The following ADAP1 variants were observed in gnomAD, a reference collection of about 807,000 sequenced individuals.
ADAP1 encodes the protein ArfGAP with dual PH domains 1, also known as arf-GAP with dual PH domain-containing protein 1.
A neutral mutation model predicts 54.9 loss-of-function variants in ADAP1; 31 were observed. That is an observed-to-expected ratio of 0.56 (90% CI 0.42 to 0.76). The LOEUF is 0.76. ADAP1 is among the 30% of genes least tolerant of loss of function. ADAP1 has a pLI of 0.00. For synonymous variants in ADAP1, 313 were observed against 202.6 expected, an observed-to-expected ratio of 1.55 and a Z score of -4.63; for missense variants, 535 against 512.4, an observed-to-expected ratio of 1.04 and a Z score of -0.42.
rs751505076 is a variant in ADAP1, at chr7:899,114, C to T, written c.1015G>A (p.Glu339Lys). The change falls in exon 10 of 11, where the codon GAG becomes AAG. Residue 339 changes from glutamate (E) to lysine (K), a missense_variant. Transcript: ENST00000265846. ...TPDRKFLFACETESDQREWVA... is the reference protein window; with the variant it reads ...TPDRKFLFACKTESDQREWVA... ...CACTCCCTCTGGTCGGACTCCGTCTCGCAGGCAAACAGAAACTTGCGGTCG... is the reference window on the plus strand; with the variant it reads ...CACTCCCTCTGGTCGGACTCCGTCTTGCAGGCAAACAGAAACTTGCGGTCG... 2.5e-5 allele frequency: 41 copies of T among 1,608,832 alleles called. No individual in the cohort carries two copies. Among genetic ancestry groups the T allele is most frequent in the Non-Finnish European group, 3.2e-5 (38 of 1,179,934 alleles).
At chr7:922,612 T>C (rs1226680736) in intron 3 of ADAP1, among the ~76,000 whole-genome samples, 1 of 151,612 alleles carries the variant, frequency 6.6e-6, no homozygotes, top group Non-Finnish European at 1.5e-5. Flanking sequence ...GAGTGTGCCT[T>C]CTGCCCGAGT....
At chr7:915,552 C>T (rs574994427) in intron 4 of ADAP1, among the ~76,000 whole-genome samples, 5 of 152,366 alleles carry the variant, frequency 3.3e-5, no homozygotes, top group African/African-American at 1.2e-4. Flanking sequence ...TCTGCCCCGA[C>T]TCTACCCTGC....
chr7:954,699 G>A, upstream of ADAP1: 1 of 981,524 alleles, frequency 1.0e-6, no homozygotes, highest in Non-Finnish European at 1.2e-6. Context: ...GGGGCCCGGG[G>A]CGCACGCTGC....
intron 1 of ADAP1, among the ~76,000 whole-genome samples, chr7:941,799 A>G (rs1021359123): frequency 6.6e-6 from 1 of 152,250 alleles, no homozygotes; most frequent in African/African-American, 2.4e-5. Flanking sequence ...GCTGATTCTA[A>G]AATTCATATG....
At chr7:924,054 C>A in intron 3 of ADAP1, among the ~76,000 whole-genome samples, 1 of 143,032 alleles carries the variant, frequency 7.0e-6, no homozygotes, top group Non-Finnish European at 1.5e-5. Context: ...CTGCACCCCC[C>A]GCCCTCCGGG....
chr7:907,778 T>C (rs1845534839), intron 4 of ADAP1, among the ~76,000 whole-genome samples: 3 of 152,162 alleles, frequency 2.0e-5, no homozygotes, highest in South Asian at 2.1e-4. Flanking sequence ...GGTCCCGCCG[T>C]TGGCAGCAGC....
intron 6 of ADAP1, among the ~76,000 whole-genome samples, chr7:901,749 C>T (rs1163665145): frequency 6.6e-6 from 1 of 151,318 alleles, no homozygotes; most frequent in Non-Finnish European, 1.5e-5. Context: ...CCCGAGGCCC[C>T]GCCTCCCCTC....
chr7:903,586 A>G (rs1844929402), intron 6 of ADAP1, among the ~76,000 whole-genome samples: 1 of 152,140 alleles, frequency 6.6e-6, no homozygotes, highest in Non-Finnish European at 1.5e-5. Flanking sequence ...CCTGGCCCAA[A>G]GACAAAAGGA....
chr7:935,462 C>G lies in ADAP1; in HGVS notation c.126G>C (p.Leu42=). Reference sequence around the variant, plus strand: ...TATTCCGGTGGATTCCCGAGCAGCTCAGGCAGATGAAGACGCCCAGAGTGT... The same window carrying G: ...TATTCCGGTGGATTCCCGAGCAGCTGAGGCAGATGAAGACGCCCAGAGTGT... ...ASYTLGVFIC[L]SCSGIHRNIP... Residue 42 remains leucine (L), a synonymous_variant, in exon 2 of 11, where the codon CTG becomes CTC. Transcript: ENST00000265846. The G allele has an allele frequency of 6.4e-7, 1 of 1,563,168 alleles. No homozygotes were observed. Among genetic ancestry groups the G allele is most frequent in the South Asian group, 1.2e-5 (1 of 84,782 alleles).
At chr7:912,389 CG>C (rs1389457490) in intron 4 of ADAP1, among the ~76,000 whole-genome samples, 2 of 152,100 alleles carry the variant, frequency 1.3e-5, no homozygotes, top group African/African-American at 4.8e-5. Flanking sequence ...CAGGGGCAGG[CG>C]GGGGGCAAGT....
chr7:908,728 G>A (rs1011851529), intron 4 of ADAP1, among the ~76,000 whole-genome samples: 1 of 152,348 alleles, frequency 6.6e-6, no homozygotes, highest in African/African-American at 2.4e-5. Flanking sequence ...GCCGAGAAGT[G>A]CCCGGGGAGG....
chr7:935,356 C>T lies in ADAP1; in HGVS notation c.213+19G>A, dbSNP rs921158729. 7.7e-6 allele frequency: 12 copies of T among 1,550,736 alleles called. No individual in the cohort carries two copies. Among genetic ancestry groups the T allele is most frequent in the Admixed American group, 1.9e-5 (1 of 51,456 alleles). ...CACCCGGGGACTGCGCGGGTCCCCC[C>T]GCCCCTCCCCCTCCGTACCTCCACT... is the stretch of plus-strand genomic sequence containing the variant. On this transcript the variant is annotated intron_variant, in intron 2 of 10. Coordinates refer to ENST00000265846, the MANE Select transcript of ADAP1 (RefSeq NM_006869.4).
Position 898,802 on chromosome 7 carries a change from G to A in ADAP1, c.*119C>T, listed in dbSNP as rs1583109742. On this transcript the variant is annotated 3_prime_UTR_variant, in exon 11 of 11. Coordinates refer to ENST00000265846, the MANE Select transcript of ADAP1 (RefSeq NM_006869.4). The stretch of plus-strand genomic sequence containing the variant: ...GCTCGGGCCCTACCTGGCCGCGCCG[G>A]GCTGCCCTGAGGAGCAGGTGGGGCC... 7.1e-7 allele frequency: 1 copy of A among 1,414,374 alleles called. No individual in the cohort carries two copies. The highest frequency in any genetic ancestry group is 9.6e-7 in the Non-Finnish European group (1 of 1,036,454). The allele number at this position is 1,414,374 out of a possible 1,614,324, so 87.6% of individuals were successfully genotyped here. A position where few individuals can be genotyped will look rare whatever the true frequency, so the allele number is the denominator to read the frequency against.
At chr7:923,488 G>C (rs1404926852) in intron 3 of ADAP1, 3 of 151,994 alleles carry the variant, frequency 2.0e-5, no homozygotes, top group Non-Finnish European at 4.4e-5. Flanking sequence ...ATAGAAACTG[G>C]AGAGCTCTGA....
rs949480590 is a variant in ADAP1, at chr7:945,832, G to A, written c.82+8564C>T. On this transcript the variant is annotated intron_variant, in intron 1 of 10. Coordinates refer to ENST00000265846, the MANE Select transcript of ADAP1 (RefSeq NM_006869.4). This position sits in a 1 kb window ranked among gnomAD's most constrained non-coding sequence, Gnocchi z 4.2. ...GAGCTGGTCTGGGGCACCTGGGCAG[G>A]TGAGCCACATTCTTGGGCGGAGCCA... 1 of 985,512 alleles carries A rather than the reference G, an allele frequency of 1.0e-6. No individual in the cohort carries two copies. Among genetic ancestry groups the A allele is most frequent in the African/African-American group, 1.7e-5 (1 of 57,250 alleles). The allele number at this position is 985,512 out of a possible 1,614,324, so 61.0% of individuals were successfully genotyped here.
At chr7:898,991 G>A (rs1479033593) in intron 10 of ADAP1, 42 bp from the exon 11 acceptor site, 1 of 1,610,028 alleles carries the variant, frequency 6.2e-7, no homozygotes, top group Non-Finnish European at 8.5e-7. Context: ...GCGGCGGGGA[G>A]CTGGGAGCCC....
intron 1 of ADAP1, among the ~76,000 whole-genome samples, chr7:953,285 C>T (rs2128113851): frequency 6.6e-6 from 1 of 152,336 alleles, no homozygotes; most frequent in African/African-American, 2.4e-5. Context: ...AAAAGCCTGT[C>T]GCTATCTCCC....
rs1847344078 is a variant in ADAP1, at chr7:954,605, C to G, written c.-128G>C. The G allele has an allele frequency of 1.0e-6, 1 of 983,422 alleles. No homozygotes were observed. The highest frequency in any genetic ancestry group is 4.5e-5 in the South Asian group (1 of 22,084). The allele number at this position is 983,422 out of a possible 1,614,324, so 60.9% of individuals were successfully genotyped here. On this transcript the variant is annotated 5_prime_UTR_variant, in exon 1 of 11. Coordinates refer to ENST00000265846, the MANE Select transcript of ADAP1 (RefSeq NM_006869.4). ...CCATCCCGGGCGGCCTCAGCCCGCG[C>G]GCCGGTTCCGCATTCCCGCCGCCCT...
Position 907,459 on chromosome 7 carries a change from G to A in ADAP1, c.389-2287C>T, listed in dbSNP as rs144672568. ...TGCCCACTCCGAGTCTCGGGCCCGTGGGATCGTCCTGGAGCTCTGCCAGAG... is the reference window on the plus strand; with the variant it reads ...TGCCCACTCCGAGTCTCGGGCCCGTAGGATCGTCCTGGAGCTCTGCCAGAG... On this transcript the variant is annotated intron_variant, in intron 4 of 10. Coordinates refer to ENST00000265846, the MANE Select transcript of ADAP1 (RefSeq NM_006869.4). 5.9e-3 allele frequency among the ~76,000 whole-genome samples: 900 copies of A among 152,244 alleles called. 13 individuals carry two copies. Among genetic ancestry groups the A allele is most frequent in the African/African-American group, 0.021 (869 of 41,532 alleles).
Sources: gnomAD v4.1 joint callset for allele counts (sites outside exome capture counted in the v4.1 genomes callset) on GRCh38, gnomAD v4.1.1 for gene constraint, Gnocchi (gnomAD v3.1) non-coding constraint, MANE v1.5 for transcripts, NCBI Gene and HGNC (gene_info 2026-07-23, HGNC 2026-07-21) for gene names.